Variants in ERMP1 observed in about 807,000 individuals in gnomAD.
ERMP1 encodes the protein endoplasmic reticulum metallopeptidase 1, also known as Felix-ina.
ERMP1 carries 86 observed loss-of-function variants against 92.0 expected under a neutral mutation model. That is an observed-to-expected ratio of 0.93 (90% CI 0.79 to 1.12). The LOEUF is 1.12. Among genes scored for constraint, ERMP1 ranks in the 50% most tolerant of loss-of-function variants. The pLI is 0.00. For missense variants in ERMP1, 1,342 were observed against 1,116.3 expected, an observed-to-expected ratio of 1.20 and a Z score of -2.88; for synonymous variants, 530 against 412.8, an observed-to-expected ratio of 1.28 and a Z score of -3.44.
intron 13 of ERMP1, among the ~76,000 whole-genome samples, chr9:5,789,976 C>G (rs1378649317): frequency 6.6e-6 from 1 of 151,650 alleles, no homozygotes; most frequent in Non-Finnish European, 1.5e-5. Context: ...CCACACCTGG[C>G]CAAAAGAACT....
Position 5,799,090 on chromosome 9 carries a change from C to G in ERMP1, c.2068-82G>C, listed in dbSNP as rs1828567230. The G allele has an allele frequency of 4.4e-6, 4 of 916,326 alleles. No homozygotes were observed. The Admixed American group carries it at 6.2e-5, about 14-fold the overall frequency. 56.8% of individuals were successfully genotyped at this position (916,326 alleles called of 1,614,324 possible). ...CCCAGATTACAAAAATGGAGTATGA[C>G]AATACCAAGAAATGATGTGGATATG... On this transcript the variant is annotated intron_variant, in intron 11 of 14. Coordinates refer to ENST00000339450, the MANE Select transcript of ERMP1 (RefSeq NM_024896.3).
At chr9:5,818,210 T>G (rs1174320669) in intron 4 of ERMP1, among the ~76,000 whole-genome samples, 1 of 151,908 alleles carries the variant, frequency 6.6e-6, no homozygotes, top group Non-Finnish European at 1.5e-5. Flanking sequence ...ACCATTCTTT[T>G]GAGGAATTCT....
intron 4 of ERMP1, among the ~76,000 whole-genome samples, chr9:5,816,197 A>C (rs955315755): frequency 4.6e-5 from 7 of 152,198 alleles, no homozygotes; most frequent in East Asian, 1.9e-4. Context: ...TAAATGCTAT[A>C]TTTGATCCTG....
intron 7 of ERMP1, 112 bp downstream of exon 7, chr9:5,810,999 C>T (rs1402866531): frequency 4.6e-6 from 3 of 646,766 alleles, no homozygotes; most frequent in Non-Finnish European, 7.8e-6. Context: ...ATAAAGCAAA[C>T]ATTGTCTTAA....
chr9:5,834,910 A>G (rs1294080323), upstream of ERMP1, among the ~76,000 whole-genome samples: 4 of 146,344 alleles, frequency 2.7e-5, no homozygotes, highest in African/African-American at 5.1e-5. Flanking sequence ...GGTAATGCAG[A>G]TGATACCTGC....
At chr9:5,862,192 G>C (rs1294474401) in intron 5 of ERMP1, among the ~76,000 whole-genome samples, 1 of 151,588 alleles carries the variant, frequency 6.6e-6, no homozygotes, top group Non-Finnish European at 1.5e-5. Flanking sequence ...ACCATGCCTG[G>C]TTAATTTTTA....
At position 5,825,182 on chromosome 9, in the gene ERMP1, C is replaced by T. The variant is rs1259007981; in HGVS notation, c.678G>A (p.Leu226=). The T allele has an allele frequency of 5.0e-6, 8 of 1,613,894 alleles. No individual in the cohort carries two copies. The highest frequency in any genetic ancestry group is 4.5e-5 in the East Asian group (2 of 44,896). The change falls in exon 3 of 15, where the codon CTG becomes CTA. Residue 226 remains leucine (L), a synonymous_variant. Coordinates refer to ENST00000339450, the MANE Select transcript of ERMP1 (RefSeq NM_024896.3). The part of the protein sequence containing the change: ...SDDAVSCSVM[L]EVLRVLSTSS... ...ATGTTGACAAGACGCGAAGGACTTC[C>T]AGCATCACTGAGCAGCTAACTGCAT...
intron 4 of ERMP1, among the ~76,000 whole-genome samples, chr9:5,817,334 C>T (rs758013693): frequency 2.6e-5 from 4 of 152,134 alleles, no homozygotes; most frequent in African/African-American, 4.8e-5. Context: ...GGATTACAAG[C>T]GCCCGCCACC....
At chr9:5,798,235 A>G (rs1828523791) in intron 12 of ERMP1, among the ~76,000 whole-genome samples, 1 of 151,730 alleles carries the variant, frequency 6.6e-6, no homozygotes, top group Admixed American at 6.6e-5. Context: ...TTTCTTTGAG[A>G]GACAGAGTTT....
In ERMP1 at chr9:5,810,186, A is replaced by G. The variant is rs748459724; in HGVS notation, c.1373T>C (p.Leu458Ser). 1 of 1,614,094 alleles carries G rather than the reference A, an allele frequency of 6.2e-7. No individual in the cohort carries two copies. Among genetic ancestry groups the G allele is most frequent in the Non-Finnish European group, 8.5e-7 (1 of 1,180,010 alleles). ...AACAAGGCTAGTGAACCAGCTGATCAAAGTGATGCCAAGTCCACACAAGAA... is the reference window on the plus strand; with the variant it reads ...AACAAGGCTAGTGAACCAGCTGATCGAAGTGATGCCAAGTCCACACAAGAA... ...KDFLCGLGITLISWFTSLVTV... is the reference protein window; with the variant it reads ...KDFLCGLGITSISWFTSLVTV... Residue 458 changes from leucine to serine, a missense_variant, in exon 8 of 15, where the codon TTG (leucine) becomes TCG (serine). Coordinates refer to ENST00000339450, the MANE Select transcript of ERMP1 (RefSeq NM_024896.3).
chr9:5,824,182 C>T (rs1476546398), intron 3 of ERMP1, among the ~76,000 whole-genome samples, 181 bp from the exon 4 acceptor site: 1 of 152,198 alleles, frequency 6.6e-6, no homozygotes, highest in East Asian at 1.9e-4. Context: ...AATGGCCATG[C>T]ACATCAGGTT....
chr9:5,818,070 G>A (rs1024141332), intron 4 of ERMP1, among the ~76,000 whole-genome samples: 7 of 151,736 alleles, frequency 4.6e-5, no homozygotes, highest in Non-Finnish European at 1.5e-5. Flanking sequence ...GTATATCAAG[G>A]TGGATCACTT....
Position 5,812,172 on chromosome 9 carries a change from T to G in ERMP1, c.1067A>C (p.Lys356Thr). 3 of 1,611,614 alleles carry G rather than the reference T, an allele frequency of 1.9e-6. No individual in the cohort carries two copies. Among genetic ancestry groups the G allele is most frequent in the Non-Finnish European group, 1.7e-6 (2 of 1,178,652 alleles). ...TAGAATTCTGTCCGCTGTGTCATACTTGGTGTGATAAATGTATCCATTCTC... is the reference window on the plus strand; with the variant it reads ...TAGAATTCTGTCCGCTGTGTCATACGTGGTGTGATAAATGTATCCATTCTC... Reference protein sequence around the residue: ...FIENGYIYHTKYDTADRILTD... With the variant: ...FIENGYIYHTTYDTADRILTD... Residue 356 changes from lysine (K) to threonine (T), a missense_variant, in exon 6 of 15, where the codon AAG (lysine) becomes ACG (threonine). Transcript: ENST00000339450.
At position 5,850,118 on chromosome 9, in the gene ERMP1, C is replaced by A. The variant is rs4501637; in HGVS notation, n.3199+9350G>T. 3.5e-3 allele frequency among the ~76,000 whole-genome samples: 535 copies of A among 151,910 alleles called. 2 individuals are homozygous for A. The highest frequency in any genetic ancestry group is 0.012 in the African/African-American group (493 of 41,380). On this transcript the variant is annotated intron_variant and non_coding_transcript_variant, in intron 6 of 6. Coordinates refer to the ERMP1 transcript ENST00000690753. ...GCAGGCCAGGGCCCAGGTCTCCCCCCCTTTACACTCTGTGGACTAGTGTGA... is the reference window on the plus strand; with the variant it reads ...GCAGGCCAGGGCCCAGGTCTCCCCCACTTTACACTCTGTGGACTAGTGTGA...
chr9:5,797,400 A>G (rs1308594404), intron 13 of ERMP1, among the ~76,000 whole-genome samples: 7 of 152,098 alleles, frequency 4.6e-5, no homozygotes, highest in Non-Finnish European at 8.8e-5. Flanking sequence ...CTGTAATCCC[A>G]GCACTTTGGG....
At chr9:5,812,804 C>G (rs193243315) in intron 5 of ERMP1, 85 bp downstream of exon 5, 90 of 1,412,518 alleles carry the variant, frequency 6.4e-5, no homozygotes, top group Admixed American at 5.2e-4. Context: ...TCAGAAAATG[C>G]TGTTTACTCA....
At chr9:5,804,973 AATTCAT>A (rs1170198975) in intron 10 of ERMP1, 48 bp downstream of exon 10, 8 of 1,368,134 alleles carry the variant, frequency 5.8e-6, no homozygotes, top group Non-Finnish European at 8.1e-6. Flanking sequence ...AGTATGGCTA[AATTCAT>A]ATTCATATAA....
In ERMP1 at chr9:5,857,169, G is replaced by A. The variant is rs142727782; in HGVS notation, n.3199+2299C>T. 8.6e-4 allele frequency among the ~76,000 whole-genome samples: 131 copies of A among 152,200 alleles called. 2 individuals carry two copies. Among genetic ancestry groups the A allele is most frequent in the Non-Finnish European group, 1.2e-3 (82 of 68,002 alleles). On this transcript the variant is annotated intron_variant and non_coding_transcript_variant, in intron 6 of 6. Coordinates refer to the ERMP1 transcript ENST00000690753. ...CCCAAGTAGCCGGGACTACAGACCT[G>A]TGCAATCATGCCTGGCTAATTTTTG...
In ERMP1 at chr9:5,830,739, C is replaced by A; in HGVS notation, c.628G>T (p.Ala210Ser). Residue 210 changes from alanine (A) to serine (S), a missense_variant, in exon 2 of 15, where the codon GCA (alanine) becomes TCA (serine). By Grantham distance (99) the Ala-to-Ser change is moderately conservative. Coordinates refer to ENST00000339450, the MANE Select transcript of ERMP1 (RefSeq NM_024896.3). ...AACAGGTACATACCTGGTGAGTTTG[C>A]TACTGAGTCAAAATGACAATTAGCC... is the stretch of plus-strand genomic sequence containing the variant. ...VLANCHFDSVANSPGASDDAV... is the reference protein window; with the variant it reads ...VLANCHFDSVSNSPGASDDAV... 6.2e-7 allele frequency: 1 copy of A among 1,612,050 alleles called. No homozygotes were observed. Among genetic ancestry groups the A allele is most frequent in the Non-Finnish European group, 8.5e-7 (1 of 1,178,690 alleles).
Sources: gnomAD v4.1 joint callset for allele counts (sites outside exome capture counted in the v4.1 genomes callset) on GRCh38, gnomAD v4.1.1 for gene constraint, MANE v1.5 for transcripts, NCBI Gene and HGNC (gene_info 2026-07-23, HGNC 2026-07-21) for gene names.